ATE1: variants seen among roughly 807,000 people sequenced by gnomAD.
ATE1 encodes the protein arginyltransferase 1.
A neutral mutation model predicts 70.5 loss-of-function variants in ATE1; 36 were observed. The observed-to-expected ratio is 0.51, with a 90% CI of 0.39 to 0.67. The LOEUF is 0.67. Among genes scored for constraint, ATE1 ranks in the 30% least tolerant of loss-of-function variants. ATE1 has a pLI of 0.00. For synonymous variants in ATE1, 232 were observed against 219.3 expected, an observed-to-expected ratio of 1.06 and a Z score of -0.51; for missense variants, 593 against 629.5, an observed-to-expected ratio of 0.94 and a Z score of 0.62.
intron 4 of ATE1, 82 bp downstream of exon 4, chr10:121,913,708 C>A (rs935741225): frequency 2.2e-6 from 2 of 912,624 alleles, no homozygotes; most frequent in Non-Finnish European, 3.5e-6. Flanking sequence ...GTATTAATGA[C>A]CCTTCCCCTT....
chr10:121,912,747 T>A (rs911306919), intron 4 of ATE1, among the ~76,000 whole-genome samples: 6 of 145,350 alleles, frequency 4.1e-5, no homozygotes, highest in Admixed American at 2.7e-4. Flanking sequence ...CCTAATTCCT[T>A]TTTTTTTTTT....
intron 5 of ATE1, among the ~76,000 whole-genome samples, chr10:121,902,896 C>T (rs990616897): frequency 1.3e-5 from 2 of 152,026 alleles, no homozygotes; most frequent in Admixed American, 6.6e-5. Context: ...GACAGAGTCT[C>T]GCTCTGTCAC....
intron 11 of ATE1, among the ~76,000 whole-genome samples, chr10:121,761,886 GACAA>G (rs1055918997): frequency 4.6e-5 from 7 of 152,050 alleles, no homozygotes; most frequent in Admixed American, 3.9e-4. Flanking sequence ...TGCCATCTGG[GACAA>G]ACAAACTCTC....
intron 11 of ATE1, among the ~76,000 whole-genome samples, chr10:121,758,234 T>C (rs1315637772): frequency 6.6e-6 from 1 of 152,242 alleles, no homozygotes; most frequent in Non-Finnish European, 1.5e-5. Flanking sequence ...AATCAATAGC[T>C]TTAAATTCTA....
intron 10 of ATE1, among the ~76,000 whole-genome samples, chr10:121,807,572 C>T (rs992260965): frequency 6.6e-6 from 1 of 152,096 alleles, no homozygotes. Flanking sequence ...GGCTATAATG[C>T]ACTAGATGAT....
At chr10:121,765,052 G>T (rs78697867) in intron 11 of ATE1, among the ~76,000 whole-genome samples, 10 of 152,294 alleles carry the variant, frequency 6.6e-5, no homozygotes, top group African/African-American at 2.4e-4. Flanking sequence ...CATTGAAAGA[G>T]AGTGCTTACT....
intron 1 of ATE1, 45 bp downstream of exon 1, chr10:121,927,799 A>C (rs1952161572): frequency 2.0e-6 from 3 of 1,518,138 alleles, no homozygotes; most frequent in Non-Finnish European, 2.7e-6. Context: ...GGATCCCGAG[A>C]CCCGGGCGCC....
intron 10 of ATE1, among the ~76,000 whole-genome samples, chr10:121,796,845 T>C (rs931929873): frequency 6.6e-6 from 1 of 152,220 alleles, no homozygotes; most frequent in Non-Finnish European, 1.5e-5. Flanking sequence ...TTTTGGTTAA[T>C]GGAATGAACA....
chr10:121,759,689 A>C (rs988712006), intron 11 of ATE1, among the ~76,000 whole-genome samples: 2 of 147,908 alleles, frequency 1.4e-5, no homozygotes, highest in Non-Finnish European at 3.0e-5. Flanking sequence ...GCGCCACTGC[A>C]CTCCAGCCTG....
At chr10:121,902,837 T>A (rs1951035592) in intron 5 of ATE1, among the ~76,000 whole-genome samples, 2 of 152,244 alleles carry the variant, frequency 1.3e-5, no homozygotes, top group African/African-American at 4.8e-5. Context: ...GCACAGAAAC[T>A]TTCCAAGGTG....
At chr10:121,908,201 G>A (rs535164047) in intron 5 of ATE1, among the ~76,000 whole-genome samples, 7 of 152,212 alleles carry the variant, frequency 4.6e-5, no homozygotes, top group Admixed American at 3.9e-4. Flanking sequence ...TAAAAAGAAG[G>A]AATCAAGAAT....
chr10:121,781,527 C>T (rs887160364), intron 11 of ATE1, among the ~76,000 whole-genome samples: 1 of 152,180 alleles, frequency 6.6e-6, no homozygotes, highest in African/African-American at 2.4e-5. Context: ...ATGGATCACA[C>T]AATAACACAT....
chr10:121,927,496 C>T (rs751720821), intron 1 of ATE1: 102 of 985,288 alleles, frequency 1.0e-4, no homozygotes, highest in Middle Eastern at 1.0e-3. Context: ...CCCACCGCAG[C>T]ACCCACCGGT....
At position 121,836,648 on chromosome 10, in the gene ATE1, T is replaced by C. The variant is rs548784953; in HGVS notation, c.1257+70A>G. 5.9e-6 allele frequency: 6 copies of C among 1,010,840 alleles called. No homozygotes were observed. In the East Asian group the frequency reaches 7.9e-5, roughly 13 times the overall value. 62.6% of individuals were successfully genotyped at this position (1,010,840 alleles called of 1,614,324 possible). A position where few individuals can be genotyped will look rare whatever the true frequency, so the allele number is the denominator to read the frequency against. Reference sequence around the variant, plus strand: ...CTTCAAAGCTTCAAACCCAGTGCCCTGAGATAAAAATTTTATGAGAGATTC... The same window carrying C: ...CTTCAAAGCTTCAAACCCAGTGCCCCGAGATAAAAATTTTATGAGAGATTC... On this transcript the variant is annotated intron_variant, in intron 10 of 11. Transcript: ENST00000224652.
upstream of ATE1, chr10:121,928,374 C>T (rs1270369899): frequency 6.5e-7 from 1 of 1,532,446 alleles, no homozygotes; most frequent in East Asian, 2.6e-5. Flanking sequence ...TCCTTGGAAT[C>T]GCAGTAGCCG....
chr10:121,852,020 G>C (rs1291871499), intron 8 of ATE1, among the ~76,000 whole-genome samples: 1 of 152,208 alleles, frequency 6.6e-6, no homozygotes, highest in Admixed American at 6.5e-5. Context: ...AAGTAGACCT[G>C]TCTCTTTACC....
At chr10:121,883,410 G>A (rs1950284547) in intron 7 of ATE1, among the ~76,000 whole-genome samples, 1 of 151,978 alleles carries the variant, frequency 6.6e-6, no homozygotes, top group Admixed American at 6.6e-5. Flanking sequence ...AATTAGAAAG[G>A]GAACAAATGC....
intron 11 of ATE1, among the ~76,000 whole-genome samples, chr10:121,749,919 AACT>A (rs1262717143): frequency 1.3e-5 from 2 of 152,194 alleles, no homozygotes; most frequent in African/African-American, 2.4e-5. Flanking sequence ...TAACTTGAAA[AACT>A]ACTGATTATC....
intron 11 of ATE1, among the ~76,000 whole-genome samples, chr10:121,774,583 GTATTA>G (rs1945655324): frequency 4.6e-5 from 7 of 152,146 alleles, no homozygotes; most frequent in Admixed American, 4.6e-4. Flanking sequence ...AACAGCTCTA[GTATTA>G]TTACAGAGCT....
Sources: gnomAD v4.1 joint callset for allele counts (sites outside exome capture counted in the v4.1 genomes callset) on GRCh38, gnomAD v4.1.1 for gene constraint, MANE v1.5 for transcripts, NCBI Gene and HGNC (gene_info 2026-07-23, HGNC 2026-07-21) for gene names.